The following RALGAPA1 variants were observed in gnomAD, a reference collection of about 807,000 sequenced individuals.
RALGAPA1 encodes Ral GTPase activating protein catalytic subunit alpha 1.
RALGAPA1 carries 52 observed loss-of-function variants against 269.6 expected under a neutral mutation model. The ratio of observed to expected loss-of-function variants is 0.19; its 90% CI spans 0.15 to 0.24. The LOEUF is 0.24. Among genes scored for constraint, RALGAPA1 ranks in the 10% least tolerant of loss-of-function variants. The pLI, the probability that RALGAPA1 is intolerant of heterozygous loss-of-function variation, is 1.00. For missense variants in RALGAPA1, 1,917 were observed against 3,013.9 expected, an observed-to-expected ratio of 0.64 and a Z score of 8.52; for synonymous variants, 817 against 1,008.3, an observed-to-expected ratio of 0.81 and a Z score of 3.60.
chr14:35,604,609 T>C (rs1189697082), intron 36 of RALGAPA1, among the ~76,000 whole-genome samples: 1 of 152,082 alleles, frequency 6.6e-6, no homozygotes, highest in Non-Finnish European at 1.5e-5. Context: ...TTTAACAATT[T>C]TGCTCATATA....
At chr14:35,545,660 TTA>T (rs941094125) in intron 41 of RALGAPA1, among the ~76,000 whole-genome samples, 8 of 151,980 alleles carry the variant, frequency 5.3e-5, no homozygotes, top group African/African-American at 1.9e-4. Flanking sequence ...CTCCAAAAAA[TTA>T]TGAGTATATT....
At chr14:35,674,393 G>T in intron 23 of RALGAPA1, 115 bp from the exon 24 acceptor site, 2 of 1,234,654 alleles carry the variant, frequency 1.6e-6, no homozygotes, top group South Asian at 1.6e-5. Context: ...ACAATTAAGT[G>T]ACTTTGCCAT....
intron 31 of RALGAPA1, among the ~76,000 whole-genome samples, chr14:35,645,255 C>A (rs780702979): frequency 5.9e-5 from 9 of 152,060 alleles, no homozygotes; most frequent in Non-Finnish European, 1.2e-4. Flanking sequence ...AAAGGCCCCA[C>A]CTCCAAATCC....
intron 39 of RALGAPA1, among the ~76,000 whole-genome samples, chr14:35,550,192 C>G (rs1027484002): frequency 3.3e-5 from 5 of 152,186 alleles, no homozygotes; most frequent in African/African-American, 9.6e-5. Context: ...GAGCAGCAGG[C>G]AGCAACATAC....
intron 22 of RALGAPA1, 56 bp from the exon 23 acceptor site, chr14:35,674,765 C>T: frequency 1.4e-6 from 1 of 736,324 alleles, no homozygotes; most frequent in Non-Finnish European, 2.2e-6. Flanking sequence ...ACATAAAACC[C>T]CCCAAGAAAC....
chr14:35,631,235 C>T (rs1397221366), intron 33 of RALGAPA1, among the ~76,000 whole-genome samples: 1 of 152,130 alleles, frequency 6.6e-6, no homozygotes, highest in Non-Finnish European at 1.5e-5. Flanking sequence ...ATGTCTTTTG[C>T]TTCCCAGCTC....
At chr14:35,564,424 AATCAATTC>A (rs1373771055) in intron 39 of RALGAPA1, 1 of 152,232 alleles carries the variant, frequency 6.6e-6, no homozygotes, top group African/African-American at 2.4e-5. Flanking sequence ...TAGCAGAACC[AATCAATTC>A]ATCAATTCCA....
intron 26 of RALGAPA1, among the ~76,000 whole-genome samples, chr14:35,668,504 T>G: frequency 6.6e-6 from 1 of 151,074 alleles, no homozygotes; most frequent in East Asian, 1.9e-4. Context: ...AAATGTACAT[T>G]AAAAAATGAT....
chr14:35,781,479 A>G (rs1297318116), intron 1 of RALGAPA1, among the ~76,000 whole-genome samples: 1 of 152,192 alleles, frequency 6.6e-6, no homozygotes, highest in Non-Finnish European at 1.5e-5. Context: ...CAATATTCTC[A>G]TATGAAAATC....
intron 36 of RALGAPA1, among the ~76,000 whole-genome samples, chr14:35,596,237 A>C (rs966389458): frequency 2.7e-4 from 41 of 152,272 alleles, no homozygotes; most frequent in African/African-American, 9.9e-4. Flanking sequence ...TCCACAACAA[A>C]AATTAGAAAT....
Position 35,716,055 on chromosome 14 carries a change from C to T in RALGAPA1, c.2266+5633G>A, listed in dbSNP as rs539994849. On this transcript the variant is annotated intron_variant, in intron 16 of 41. Transcript: ENST00000680220. Reference sequence around the variant, plus strand: ...TCATGTAATGACTTTTTAAAAAGCCCCTTTCTTCCCAATTTTTTATTAAGA... The same window carrying T: ...TCATGTAATGACTTTTTAAAAAGCCTCTTTCTTCCCAATTTTTTATTAAGA... 2.6e-5 allele frequency: 26 copies of T among 984,728 alleles called. No individual in the cohort carries two copies. The South Asian group carries it at 8.9e-4, about 34-fold the overall frequency. The allele number at this position is 984,728 out of a possible 1,614,324, so 61.0% of individuals were successfully genotyped here. A position where few individuals can be genotyped will look rare whatever the true frequency, so the allele number is the denominator to read the frequency against.
At chr14:35,764,253 G>A (rs2073962833) in intron 4 of RALGAPA1, among the ~76,000 whole-genome samples, 2 of 152,054 alleles carry the variant, frequency 1.3e-5, no homozygotes, top group South Asian at 4.2e-4. Context: ...ACCAGGTCTG[G>A]CTAATTTTTG....
chr14:35,540,696 TATTTTAAGGC>T (rs2053889117), intron 41 of RALGAPA1, among the ~76,000 whole-genome samples: 1 of 152,208 alleles, frequency 6.6e-6, no homozygotes, highest in African/African-American at 2.4e-5. Context: ...AGATTCTGGA[TATTTTAAGGC>T]ATTTTAATCC....
intron 36 of RALGAPA1, among the ~76,000 whole-genome samples, chr14:35,599,436 T>C (rs1363821750): frequency 6.6e-6 from 1 of 152,122 alleles, no homozygotes; most frequent in East Asian, 1.9e-4. Flanking sequence ...CTGAAGGATA[T>C]GTTTGCAAGC....
intron 16 of RALGAPA1, among the ~76,000 whole-genome samples, chr14:35,708,900 A>T (rs2068042712): frequency 6.6e-6 from 1 of 152,216 alleles, no homozygotes; most frequent in Non-Finnish European, 1.5e-5. Context: ...ATACGCAATG[A>T]AGTATTATTC....
At chr14:35,711,795 A>G (rs1293997625) in intron 16 of RALGAPA1, among the ~76,000 whole-genome samples, 1 of 152,130 alleles carries the variant, frequency 6.6e-6, no homozygotes, top group Non-Finnish European at 1.5e-5. Flanking sequence ...TTTTAAAACA[A>G]TGCTGTACCA....
chr14:35,557,912 C>A (rs2055783705), intron 39 of RALGAPA1, among the ~76,000 whole-genome samples: 1 of 152,102 alleles, frequency 6.6e-6, no homozygotes, highest in Non-Finnish European at 1.5e-5. Context: ...AACTTCATTT[C>A]AGCTGAAAAG....
chr14:35,572,095 G>A (rs1192505287), intron 38 of RALGAPA1, among the ~76,000 whole-genome samples: 1 of 152,060 alleles, frequency 6.6e-6, no homozygotes, highest in East Asian at 1.9e-4. Flanking sequence ...CTATAGGATA[G>A]GTGACTGAAC....
chr14:35,571,490 G>A (rs533283765), intron 38 of RALGAPA1, among the ~76,000 whole-genome samples: 1 of 151,980 alleles, frequency 6.6e-6, no homozygotes, highest in East Asian at 1.9e-4. Flanking sequence ...GCCTGACCAA[G>A]ATGGTGAAAA....
Sources: gnomAD v4.1 joint callset for allele counts (sites outside exome capture counted in the v4.1 genomes callset) on GRCh38, gnomAD v4.1.1 for gene constraint, MANE v1.5 for transcripts, NCBI Gene and HGNC (gene_info 2026-07-23, HGNC 2026-07-21) for gene names.